The following SYNE2 variants were observed in gnomAD, a reference collection of about 807,000 sequenced individuals.
SYNE2 encodes nesprin-2.
A neutral mutation model predicts 856.3 loss-of-function variants in SYNE2; 431 were observed. That is an observed-to-expected ratio of 0.50 (90% confidence interval 0.47 to 0.55). SYNE2 has a LOEUF of 0.55. SYNE2 is among the 20% of genes least tolerant of loss of function. SYNE2 has a pLI of 0.00. For synonymous variants in SYNE2, 2,923 were observed against 2,872.3 expected (o/e 1.02, Z -0.56); for missense variants, 8,129 against 8,023.2 (o/e 1.01, Z -0.50).
At chr14:63,956,352 GTATT>G in intron 8 of SYNE2, 5 of 453,616 alleles carry the variant, frequency 1.1e-5, no homozygotes, top group South Asian at 6.2e-5. Context: ...TAAGTTTTGA[GTATT>G]TATTACCTAT....
chr14:64,082,289 A>G (rs1288822875), intron 57 of SYNE2, among the ~76,000 whole-genome samples: 2 of 152,162 alleles, frequency 1.3e-5, no homozygotes, highest in African/African-American at 2.4e-5. Context: ...AGTCACTCCC[A>G]TAAGTACTTG....
In SYNE2 at chr14:64,065,566, A is replaced by G. The variant is rs2097352548; in HGVS notation, c.10347A>G (p.Lys3449=). 6.2e-7 allele frequency: 1 copy of G among 1,614,182 alleles called. No homozygotes were observed. The highest frequency in any genetic ancestry group is 8.5e-7 in the Non-Finnish European group (1 of 1,180,034). The change falls in exon 51 of 116, where the codon AAA becomes AAG. Residue 3449 remains lysine (K), a synonymous_variant. Transcript: ENST00000555002. The part of the protein sequence containing the change: ...LLKIVSALWE[K]WLSLLEAAKE... ...AGATTGTGTCGGCTCTGTGGGAGAA[A>G]TGGCTGAGTTTGCTGGAAGCTGCTA...
At chr14:64,031,948 A>G (rs905392099) in intron 45 of SYNE2, among the ~76,000 whole-genome samples, 7 of 152,188 alleles carry the variant, frequency 4.6e-5, no homozygotes, top group African/African-American at 1.7e-4. Flanking sequence ...TAGGTTACAG[A>G]TTGAAATGGG....
intron 96 of SYNE2, among the ~76,000 whole-genome samples, chr14:64,184,082 G>A (rs2098476120): frequency 6.6e-6 from 1 of 152,068 alleles, no homozygotes; most frequent in Non-Finnish European, 1.5e-5. Context: ...TTCCACAAGA[G>A]ACCTCATTCT....
chr14:64,004,225 G>A (rs11158523), intron 30 of SYNE2, among the ~76,000 whole-genome samples: 7 of 146,516 alleles, frequency 4.8e-5, no homozygotes, highest in East Asian at 2.0e-4. Flanking sequence ...TAGTAGAGAC[G>A]GGTTTTCACC....
chr14:64,162,912 T>G, intron 88 of SYNE2: 1 of 185,008 alleles, frequency 5.4e-6, no homozygotes. Flanking sequence ...CTACCTGAGC[T>G]GATAATTTAA....
chr14:63,909,243 T>TG lies in SYNE2; in HGVS notation c.79+21dup. 1 of 1,585,478 alleles carries TG rather than the reference T, an allele frequency of 6.3e-7. No homozygotes were observed. Among genetic ancestry groups the TG allele is most frequent in the Non-Finnish European group, 8.7e-7 (1 of 1,154,996 alleles). ...TCATTGCAAGGTAATTAAGATTGGGTGGGGGTAACACCCACAGAAACTGGG... is the reference window on the plus strand; with the variant it reads ...TCATTGCAAGGTAATTAAGATTGGGTGGGGGGTAACACCCACAGAAACTGGG... On this transcript the variant is annotated intron_variant, in intron 2 of 115. Transcript: ENST00000555002.
At chr14:64,073,457 C>T (rs2097429459) in intron 52 of SYNE2, among the ~76,000 whole-genome samples, 2 of 152,212 alleles carry the variant, frequency 1.3e-5, no homozygotes, top group Admixed American at 6.5e-5. Context: ...TCAGGAACTA[C>T]AGCAGAGATC....
In SYNE2 at chr14:64,215,470, G is replaced by C. The variant is rs577970604; in HGVS notation, c.19402+116G>C. The C allele has an allele frequency of 9.8e-6, 10 of 1,019,266 alleles. No homozygotes were observed. In the East Asian group the frequency reaches 2.1e-4, roughly 22 times the overall value. 63.1% of individuals were successfully genotyped at this position (1,019,266 alleles called of 1,614,324 possible). ...GCCTTCTGTGGACACCATGCGCCTT[G>C]GTCCTTGTGTCATGGTGTATTTACA... On this transcript the variant is annotated intron_variant, in intron 107 of 115. Transcript: ENST00000555002.
chr14:64,198,656 G>A (rs1336822033), intron 99 of SYNE2, among the ~76,000 whole-genome samples: 1 of 151,906 alleles, frequency 6.6e-6, no homozygotes, highest in Non-Finnish European at 1.5e-5. Context: ...TCTTTAACTT[G>A]CACTAAGTAT....
chr14:64,083,887 CA>C (rs1488031001), intron 57 of SYNE2, among the ~76,000 whole-genome samples: 1 of 152,038 alleles, frequency 6.6e-6, no homozygotes, highest in Non-Finnish European at 1.5e-5. Flanking sequence ...ATAACTGAAA[CA>C]TACATTCATA....
intron 63 of SYNE2, among the ~76,000 whole-genome samples, chr14:64,101,706 C>G (rs537252433): frequency 6.6e-6 from 1 of 152,266 alleles, no homozygotes; most frequent in African/African-American, 2.4e-5. Flanking sequence ...CGAGCCCCTA[C>G]TTTTAAAAGT....
chr14:63,892,369 C>G (rs1267143754), intron 1 of SYNE2, among the ~76,000 whole-genome samples: 1 of 151,918 alleles, frequency 6.6e-6, no homozygotes, highest in African/African-American at 2.4e-5. Flanking sequence ...TCCATTCCCC[C>G]CAACCTTTTT....
At chr14:64,041,690 A>G (rs554246845) in intron 45 of SYNE2, among the ~76,000 whole-genome samples, 11 of 152,040 alleles carry the variant, frequency 7.2e-5, no homozygotes, top group African/African-American at 2.7e-4. Context: ...TCTAGAAAAA[A>G]ATTTTTTAAA....
intron 1 of SYNE2, among the ~76,000 whole-genome samples, chr14:63,795,838 GATGAACATCA>G (rs1156836608): frequency 1.3e-5 from 2 of 152,182 alleles, no homozygotes; most frequent in African/African-American, 4.8e-5. Context: ...ACACAATGTG[GATGAACATCA>G]AACACCTCAT....
chr14:64,166,879 G>A, intron 90 of SYNE2: 4 of 300,690 alleles, frequency 1.3e-5, no homozygotes, highest in Non-Finnish European at 2.6e-5. Context: ...GTTGCAGTGA[G>A]CCGAGATCAT....
intron 94 of SYNE2, among the ~76,000 whole-genome samples, chr14:64,172,180 TC>T (rs2098414398): frequency 6.6e-6 from 1 of 152,200 alleles, no homozygotes; most frequent in Non-Finnish European, 1.5e-5. Context: ...CTCTGGCTGT[TC>T]CTGATTGTAG....
At position 63,954,819 on chromosome 14, in the gene SYNE2, A is replaced by T; in HGVS notation, c.691A>T (p.Lys231Ter). ...CTTGCGACCAGACCTAATTGACATG[A>T]AGAGTGTGAAGCATAGATCCAACAA... ...HALRPDLIDM[K>*]SVKHRSNKDN... The change falls in exon 8 of 116, where the codon AAG (lysine) becomes TAG (stop). Residue 231 changes from lysine to a stop codon, truncating the protein, a stop_gained. Transcript: ENST00000555002. LOFTEE classifies it high-confidence loss of function. 6.2e-7 allele frequency: 1 copy of T among 1,614,076 alleles called. No individual in the cohort carries two copies. Among genetic ancestry groups the T allele is most frequent in the Non-Finnish European group, 8.5e-7 (1 of 1,179,960 alleles).
At chr14:63,996,403 A>C (rs187741037) in intron 23 of SYNE2, among the ~76,000 whole-genome samples, 5 of 152,176 alleles carry the variant, frequency 3.3e-5, no homozygotes, top group African/African-American at 4.8e-5. Context: ...CCAGTTCCCC[A>C]TACCCCCAGG....
Sources: gnomAD v4.1 joint callset for allele counts (sites outside exome capture counted in the v4.1 genomes callset) on GRCh38, gnomAD v4.1.1 for gene constraint, MANE v1.5 for transcripts, NCBI Gene and HGNC (gene_info 2026-07-23, HGNC 2026-07-21) for gene names.